Variants in MEF2A observed in about 807,000 individuals in gnomAD.
MEF2A encodes myocyte-specific enhancer factor 2A.
In MEF2A, 28 loss-of-function variants were observed where a neutral mutation model predicts 55.8. That is an observed-to-expected ratio of 0.50 (90% confidence interval 0.37 to 0.69). The LOEUF (loss-of-function observed/expected upper bound fraction) is 0.69, where lower values mean the gene tolerates loss of function less well. Among genes scored for constraint, MEF2A ranks in the 30% least tolerant of loss-of-function variants. MEF2A has a pLI of 0.00. For missense variants in MEF2A, 528 were observed against 626.2 expected (o/e 0.84, Z 1.67); for synonymous variants, 239 against 227.1 (o/e 1.05, Z -0.47).
chr15:99,604,094 C>T (rs1271215415), intron 2 of MEF2A, among the ~76,000 whole-genome samples: 3 of 152,132 alleles, frequency 2.0e-5, no homozygotes, highest in Non-Finnish European at 4.4e-5. Context: ...TCTTTGGCTA[C>T]TCTTAAGACT....
intron 5 of MEF2A, among the ~76,000 whole-genome samples, chr15:99,672,944 C>A (rs1024601029): frequency 6.6e-6 from 1 of 152,206 alleles, no homozygotes; most frequent in Admixed American, 6.5e-5. Context: ...TCATTGGGAA[C>A]CTGCTGTTAG....
At chr15:99,584,252 A>T (rs1416787586) in intron 1 of MEF2A, among the ~76,000 whole-genome samples, 2 of 152,176 alleles carry the variant, frequency 1.3e-5, no homozygotes, top group Non-Finnish European at 2.9e-5. Context: ...CAATATGTGG[A>T]TCACTATGGA....
intron 2 of MEF2A, among the ~76,000 whole-genome samples, chr15:99,622,462 G>A (rs936461436): frequency 2.0e-5 from 3 of 152,080 alleles, no homozygotes; most frequent in Non-Finnish European, 4.4e-5. Flanking sequence ...TTAGTGGTTA[G>A]CTTGAATTAA....
At chr15:99,637,243 C>G (rs1305385318) in intron 3 of MEF2A, among the ~76,000 whole-genome samples, 3 of 151,438 alleles carry the variant, frequency 2.0e-5, no homozygotes, top group African/African-American at 7.3e-5. Flanking sequence ...ATTTTTTTTC[C>G]ACTGGATGTA....
chr15:99,694,801 T>C (rs543659574), intron 8 of MEF2A, among the ~76,000 whole-genome samples: 1 of 152,318 alleles, frequency 6.6e-6, no homozygotes, highest in South Asian at 2.1e-4. Flanking sequence ...ACGGGAGATT[T>C]ATCTCTTCTC....
intron 3 of MEF2A, among the ~76,000 whole-genome samples, chr15:99,637,345 C>G (rs2044065441): frequency 6.6e-6 from 1 of 152,108 alleles, no homozygotes; most frequent in Non-Finnish European, 1.5e-5. Flanking sequence ...CATTAATTCT[C>G]TCCATAATGG....
At chr15:99,588,671 G>T (rs890705943) in intron 1 of MEF2A, among the ~76,000 whole-genome samples, 1 of 151,780 alleles carries the variant, frequency 6.6e-6, no homozygotes, top group Non-Finnish European at 1.5e-5. Flanking sequence ...CTCAAACCCT[G>T]GCCTCAGGCA....
At chr15:99,627,419 C>CAAAAAAAAAAAAAAAAAAAAAA (rs139658538) in intron 2 of MEF2A, among the ~76,000 whole-genome samples, 1 of 43,046 alleles carries the variant, frequency 2.3e-5, no homozygotes, top group African/African-American at 1.1e-4. Context: ...GACTTTATCT[C>CAAAAAAAAAAAAAAAAAAAAAA]AAAAAAAAAA....
At chr15:99,604,008 TGAAATAGTTTGC>T (rs1384111031) in intron 2 of MEF2A, among the ~76,000 whole-genome samples, 1 of 152,216 alleles carries the variant, frequency 6.6e-6, no homozygotes, top group Non-Finnish European at 1.5e-5. Context: ...AAATAGTTTG[TGAAATAGTTTGC>T]ATAGTTTCTG....
At chr15:99,673,782 TA>T (rs1462519700) in intron 5 of MEF2A, among the ~76,000 whole-genome samples, 1 of 152,138 alleles carries the variant, frequency 6.6e-6, no homozygotes, top group Non-Finnish European at 1.5e-5. Context: ...GCTTGGTTAG[TA>T]GTTAATTTTG....
chr15:99,585,623 C>T (rs994283147), intron 1 of MEF2A, among the ~76,000 whole-genome samples: 3 of 152,158 alleles, frequency 2.0e-5, no homozygotes, highest in South Asian at 2.1e-4. Flanking sequence ...AGAAATTAGT[C>T]GTGTGTACCA....
At chr15:99,702,367 T>A (rs978918887) in intron 8 of MEF2A, among the ~76,000 whole-genome samples, 1 of 152,038 alleles carries the variant, frequency 6.6e-6, no homozygotes, top group Non-Finnish European at 1.5e-5. Flanking sequence ...AAAAACTGAT[T>A]AGACTGTTTC....
chr15:99,699,774 A>C (rs1348832895), intron 8 of MEF2A, among the ~76,000 whole-genome samples: 1 of 152,114 alleles, frequency 6.6e-6, no homozygotes, highest in Non-Finnish European at 1.5e-5. Context: ...ACAAACACAA[A>C]GGGTTGAACA....
At position 99,715,641 on chromosome 15, in the gene MEF2A, C is replaced by T. The variant is rs1451846564; in HGVS notation, c.*2870C>T. 3.9e-5 allele frequency: 6 copies of T among 152,194 alleles called. No homozygotes were observed. The highest frequency in any genetic ancestry group is 4.1e-4 in the South Asian group (2 of 4,828). The allele number at this position is 152,194 out of a possible 1,614,324, so 9.4% of individuals were successfully genotyped here. A position where few individuals can be genotyped will look rare whatever the true frequency, so the allele number is the denominator to read the frequency against. ...GACGCTAATGGTGTTGCTTTAGAAC[C>T]GTCTTTTCTTACCCTTTTAGACTCG... is the stretch of plus-strand genomic sequence containing the variant. On this transcript the variant is annotated 3_prime_UTR_variant, in exon 12 of 12. Coordinates refer to ENST00000557942, the MANE Select transcript of MEF2A (RefSeq NM_001319206.4).
At chr15:99,658,035 T>C (rs898144930) in intron 4 of MEF2A, among the ~76,000 whole-genome samples, 12 of 152,086 alleles carry the variant, frequency 7.9e-5, no homozygotes, top group East Asian at 1.9e-4. Flanking sequence ...TTCAGAACTA[T>C]AGAGCATCAT....
rs546790334 is a variant in MEF2A, at chr15:99,567,801, A to C, written c.-225+1697A>C. Among the ~76,000 whole-genome samples the C allele has an allele frequency of 1.1e-3, 161 of 152,324 alleles. 1 individual carries two copies. The highest frequency in any genetic ancestry group is 2.1e-3 in the Non-Finnish European group (141 of 68,018). On this transcript the variant is annotated intron_variant, in intron 1 of 11. Transcript: ENST00000557942. ...TGTCATAAACACACACCTGTATATCATAAAACATTAAGATCAGTATTTGTT... is the reference window on the plus strand; with the variant it reads ...TGTCATAAACACACACCTGTATATCCTAAAACATTAAGATCAGTATTTGTT...
chr15:99,700,187 TACAC>T (rs1234666173), intron 8 of MEF2A, among the ~76,000 whole-genome samples: 7 of 112,382 alleles, frequency 6.2e-5, no homozygotes, highest in African/African-American at 2.6e-4. Context: ...TGTGTATATA[TACAC>T]ACACACACAC....
intron 1 of MEF2A, among the ~76,000 whole-genome samples, chr15:99,579,195 T>C (rs1025754140): frequency 7.2e-5 from 11 of 152,226 alleles, no homozygotes; most frequent in Non-Finnish European, 1.6e-4. Flanking sequence ...ATTTTGTCCA[T>C]TTAGTTTTTA....
chr15:99,675,256 C>T (rs1176016187), intron 6 of MEF2A, 143 bp from the exon 7 acceptor site: 1 of 744,756 alleles, frequency 1.3e-6, no homozygotes, highest in Non-Finnish European at 2.4e-6. Context: ...TTAATGCCAA[C>T]TTCAGACTGA....
Sources: allele counts gnomAD v4.1 joint callset (sites outside exome capture counted in the v4.1 genomes callset), GRCh38; gene constraint gnomAD v4.1.1; transcripts MANE v1.5; gene names NCBI Gene and HGNC (gene_info 2026-07-23, HGNC 2026-07-21).